Variants in ALDH1L2 observed in about 807,000 individuals in gnomAD.
The protein encoded by ALDH1L2 is aldehyde dehydrogenase 1 family member L2.
A neutral mutation model predicts 111.0 loss-of-function variants in ALDH1L2; 91 were observed. That is an observed-to-expected ratio of 0.82 (90% CI 0.69 to 0.98). ALDH1L2 has a LOEUF of 0.98. Ranked by LOEUF, ALDH1L2 falls within the 50% of genes least tolerant of loss-of-function variation. The pLI is 0.00. For synonymous variants in ALDH1L2, 374 were observed against 392.6 expected, an observed-to-expected ratio of 0.95 and a Z score of 0.56; for missense variants, 995 against 1,126.8, an observed-to-expected ratio of 0.88 and a Z score of 1.67.
chr12:105,029,769 T>A (rs1231064350), intron 21 of ALDH1L2, among the ~76,000 whole-genome samples: 3 of 152,188 alleles, frequency 2.0e-5, no homozygotes, highest in Non-Finnish European at 4.4e-5. Flanking sequence ...GAGACCCCAT[T>A]CTATTAAGTA....
intron 1 of ALDH1L2, among the ~76,000 whole-genome samples, chr12:105,078,316 G>A (rs1475035269): frequency 1.3e-5 from 2 of 152,176 alleles, no homozygotes; most frequent in African/African-American, 4.8e-5. Flanking sequence ...AAAATTAGCT[G>A]GGCATGGTGG....
intron 1 of ALDH1L2, among the ~76,000 whole-genome samples, chr12:105,076,277 G>A (rs1878049171): frequency 6.6e-6 from 1 of 152,194 alleles, no homozygotes; most frequent in African/African-American, 2.4e-5. Context: ...AGAGTGGTAT[G>A]TCTGCCCACA....
Position 105,031,847 on chromosome 12 carries a change from T to A in ALDH1L2, c.2332A>T (p.Lys778Ter), listed in dbSNP as rs1329441571. 6.2e-7 allele frequency: 1 copy of A among 1,614,200 alleles called. No individual in the cohort carries two copies. Among genetic ancestry groups the A allele is most frequent in the East Asian group, 2.2e-5 (1 of 44,888 alleles). The change falls in exon 20 of 23, where the codon AAG (lysine) becomes TAG (stop). Residue 778 changes from lysine (K) to a stop codon, truncating the protein, a stop_gained. Transcript: ENST00000258494. LOFTEE classifies it high-confidence loss of function. ...GPQNHKAHLE[K>*]LLQYCETGVK... ...CCAGTTTCACAGTATTGCAGCAGCT[T>A]TTCCAGATGAGCCTTATGATTTTGG...
intron 1 of ALDH1L2, among the ~76,000 whole-genome samples, chr12:105,076,649 T>G (rs1025913326): frequency 6.6e-6 from 1 of 152,218 alleles, no homozygotes; most frequent in Non-Finnish European, 1.5e-5. Context: ...AAGGTTGTTA[T>G]AAGGATTCAA....
chr12:105,063,641 T>C (rs1220133076), intron 6 of ALDH1L2, among the ~76,000 whole-genome samples: 3 of 151,662 alleles, frequency 2.0e-5, no homozygotes, highest in African/African-American at 7.3e-5. Context: ...GCTCTCAGCC[T>C]TTATAGCCTG....
rs917127892 is a variant in ALDH1L2 at position 105,021,733 on chromosome 12, T to C, written c.*2691A>G. On this transcript the variant is annotated 3_prime_UTR_variant, in exon 23 of 23. Transcript: ENST00000258494. Reference sequence around the variant, plus strand: ...TTTCATACAGGAGGCCCTTAATAAATGGTAGCTGTCATATCGTATTATTAT... The same window carrying C: ...TTTCATACAGGAGGCCCTTAATAAACGGTAGCTGTCATATCGTATTATTAT... 1 of 152,180 alleles carries C rather than the reference T, an allele frequency of 6.6e-6. No individual in the cohort carries two copies. The highest frequency in any genetic ancestry group is 2.4e-5 in the African/African-American group (1 of 41,424). 9.4% of individuals were successfully genotyped at this position (152,180 alleles called of 1,614,324 possible). A position where few individuals can be genotyped will look rare whatever the true frequency, so the allele number is the denominator to read the frequency against.
chr12:105,083,717 C>T (rs2136121010), intron 1 of ALDH1L2, among the ~76,000 whole-genome samples: 1 of 152,224 alleles, frequency 6.6e-6, no homozygotes, highest in East Asian at 1.9e-4. Flanking sequence ...CTCTCGGTTC[C>T]ATTTCTGGAG....
intron 18 of ALDH1L2, among the ~76,000 whole-genome samples, chr12:105,037,885 C>T (rs926156249): frequency 2.6e-5 from 4 of 152,050 alleles, no homozygotes; most frequent in African/African-American, 7.2e-5. Context: ...CTGCCTCAGC[C>T]TCCCGGGTAG....
At chr12:105,046,137 A>C in intron 15 of ALDH1L2, among the ~76,000 whole-genome samples, 3 of 113,236 alleles carry the variant, frequency 2.6e-5, no homozygotes, top group South Asian at 2.9e-4. Flanking sequence ...CTTTTCCCTC[A>C]TCTTCTACAT....
At chr12:105,065,241 TG>T in intron 6 of ALDH1L2, 25 bp downstream of exon 6, 6 of 1,058,306 alleles carry the variant, frequency 5.7e-6, no homozygotes, top group African/African-American at 2.4e-5. Flanking sequence ...GGGAGGGGGG[TG>T]GGGGGAGTGG....
At chr12:105,054,672 C>G (rs770169756) in intron 10 of ALDH1L2, among the ~76,000 whole-genome samples, 1 of 152,206 alleles carries the variant, frequency 6.6e-6, no homozygotes, top group African/African-American at 2.4e-5. Context: ...AAGCTCTACT[C>G]TCAGAGATTT....
rs765519275 is a variant in ALDH1L2 at position 105,039,858 on chromosome 12, C to T, written c.1952-52G>A. ...ATTAAAACATACTCAAGGCCGGGCG[C>T]GGTGGCTTACGCCTGTAATCCCCGC... On this transcript the variant is annotated intron_variant, in intron 16 of 22. Coordinates refer to ENST00000258494, the MANE Select transcript of ALDH1L2 (RefSeq NM_001034173.4). 11 of 1,535,604 alleles carry T rather than the reference C, an allele frequency of 7.2e-6. No homozygotes were observed. The East Asian group carries it at 1.6e-4, about 22-fold the overall frequency.
At chr12:105,080,265 A>G (rs1878274160) in intron 1 of ALDH1L2, among the ~76,000 whole-genome samples, 1 of 152,202 alleles carries the variant, frequency 6.6e-6, no homozygotes, top group Non-Finnish European at 1.5e-5. Context: ...AACACACAAT[A>G]TCGTCAAATT....
chr12:105,041,094 T>C lies in ALDH1L2; in HGVS notation c.1864-400A>G, dbSNP rs573606312. Among the ~76,000 whole-genome samples, 19 of 152,340 alleles carry C rather than the reference T, an allele frequency of 1.2e-4. No individual in the cohort carries two copies. The South Asian group carries it at 2.7e-3, about 22-fold the overall frequency. On this transcript the variant is annotated intron_variant, in intron 15 of 22. Transcript: ENST00000258494. Reference sequence around the variant, plus strand: ...CTTTTACATAACCATAGTACAATCATCAAAATCAGGAGATTAACAATTGAT... The same window carrying C: ...CTTTTACATAACCATAGTACAATCACCAAAATCAGGAGATTAACAATTGAT...
chr12:105,049,153 T>A (rs960321620), intron 13 of ALDH1L2, among the ~76,000 whole-genome samples: 3 of 152,198 alleles, frequency 2.0e-5, no homozygotes, highest in Non-Finnish European at 2.9e-5. Flanking sequence ...TCTGTAGGTA[T>A]TTGAATTTGT....
intron 2 of ALDH1L2, 92 bp downstream of exon 2, chr12:105,073,769 G>T: frequency 6.5e-7 from 1 of 1,538,448 alleles, no homozygotes; most frequent in Non-Finnish European, 8.8e-7. Context: ...TGATAGTAGG[G>T]GCTGAGGCAG....
chr12:105,046,219 A>ATT (rs1875892353), intron 15 of ALDH1L2, among the ~76,000 whole-genome samples: 2 of 27,400 alleles, frequency 7.3e-5, no homozygotes, highest in African/African-American at 1.7e-4. Flanking sequence ...ATATATATAT[A>ATT]TATTTTTTTT....
Position 105,073,961 on chromosome 12 carries a change from G to T in ALDH1L2, c.93C>A (p.Ser31Arg), listed in dbSNP as rs1279757086. ...NKLKLALIGQ[S>R]LFGQEVYSHL... is the part of the protein sequence containing the mutation. Reference sequence around the variant, plus strand: ...GGCTATAGACTTCTTGTCCAAAGAGGCTCTGGCCAATTAGTGCCAACTTCA... The same window carrying T: ...GGCTATAGACTTCTTGTCCAAAGAGTCTCTGGCCAATTAGTGCCAACTTCA... The change falls in exon 2 of 23, where the codon AGC (serine) becomes AGA (arginine). Residue 31 changes from serine (S) to arginine (R), a missense_variant. Coordinates refer to ENST00000258494, the MANE Select transcript of ALDH1L2 (RefSeq NM_001034173.4). 1 of 1,614,126 alleles carries T rather than the reference G, an allele frequency of 6.2e-7. No homozygotes were observed. The highest frequency in any genetic ancestry group is 8.5e-7 in the Non-Finnish European group (1 of 1,180,010).
chr12:105,034,453 C>T (rs1175794468), intron 18 of ALDH1L2, 55 bp from the exon 19 acceptor site: 1 of 1,513,250 alleles, frequency 6.6e-7, no homozygotes, highest in Non-Finnish European at 9.1e-7. Context: ...TCAAGATTCT[C>T]ATAAAGTTGT....
Sources: allele counts gnomAD v4.1 joint callset (sites outside exome capture counted in the v4.1 genomes callset), GRCh38; gene constraint gnomAD v4.1.1; transcripts MANE v1.5; gene names NCBI Gene and HGNC (gene_info 2026-07-23, HGNC 2026-07-21).